Variants in ITGB3BP observed in about 807,000 individuals in gnomAD.
ITGB3BP encodes integrin subunit beta 3 binding protein.
Under a neutral mutation model 29.1 loss-of-function variants are expected in ITGB3BP, and 27 were observed. The ratio of observed to expected loss-of-function variants is 0.93; its 90% confidence interval spans 0.68 to 1.28. The LOEUF is 1.28. Among genes scored for constraint, ITGB3BP ranks in the 50% most tolerant of loss-of-function variants. The probability of loss-of-function intolerance (pLI) is 0.00; values close to 1 mark genes in which losing one functional copy is unlikely to be tolerated. For synonymous variants in ITGB3BP, 61 were observed against 61.4 expected (o/e 0.99, Z 0.03); for missense variants, 192 against 200.2 (o/e 0.96, Z 0.25).
upstream of ITGB3BP, among the ~76,000 whole-genome samples, chr1:63,527,001 G>A (rs1646603512): frequency 6.6e-6 from 1 of 152,236 alleles, no homozygotes; most frequent in Non-Finnish European, 1.5e-5. Context: ...CTGACCTCAG[G>A]TGATCTGCCT....
chr1:63,510,184 G>A, intron 1 of ITGB3BP: 4 of 490,116 alleles, frequency 8.2e-6, no homozygotes, highest in South Asian at 6.2e-5. Flanking sequence ...GAGCAAAACT[G>A]TCTCAAAAAA....
At chr1:63,489,277 C>A (rs980303188) in intron 3 of ITGB3BP, among the ~76,000 whole-genome samples, 6 of 151,646 alleles carry the variant, frequency 4.0e-5, no homozygotes, top group African/African-American at 9.7e-5. Flanking sequence ...ATATGCTTAG[C>A]ACTCATTAAA....
At chr1:63,447,544 G>T (rs909512601) in intron 7 of ITGB3BP, 9 of 476,610 alleles carry the variant, frequency 1.9e-5, no homozygotes, top group African/African-American at 1.6e-4. Context: ...GAGCCTCAAA[G>T]ATGAAGCAAT....
At chr1:63,468,733 T>C (rs1645142463) in intron 4 of ITGB3BP, among the ~76,000 whole-genome samples, 2 of 152,050 alleles carry the variant, frequency 1.3e-5, no homozygotes, top group Admixed American at 1.3e-4. Flanking sequence ...TGGTTGCGCA[T>C]GCCTGTAATC....
chr1:63,493,767 A>G (rs1645719863), intron 2 of ITGB3BP, among the ~76,000 whole-genome samples: 1 of 152,184 alleles, frequency 6.6e-6, no homozygotes, highest in South Asian at 2.1e-4. Flanking sequence ...AAGTGCCTAC[A>G]TTTTACTGAT....
chr1:63,456,311 G>C (rs1644936013), intron 4 of ITGB3BP, among the ~76,000 whole-genome samples: 1 of 152,106 alleles, frequency 6.6e-6, no homozygotes, highest in Non-Finnish European at 1.5e-5. Flanking sequence ...TAAAAATTAT[G>C]AGGACAGTGG....
chr1:63,499,899 A>G lies in ITGB3BP; in HGVS notation c.48+8629T>C, dbSNP rs975764639. ...CTAACATCATACTTAATGATGAAAG[A>G]CTGGATTCTTTCCCTCTAAGATCAG... On this transcript the variant is annotated intron_variant, in intron 2 of 8. Coordinates refer to ENST00000271002, the MANE Select transcript of ITGB3BP (RefSeq NM_014288.5). Among the ~76,000 whole-genome samples the G allele has an allele frequency of 7.9e-5, 12 of 152,342 alleles. No individual in the cohort carries two copies. The East Asian group carries it at 2.3e-3, about 29-fold the overall frequency.
rs1570287873 is a variant in ITGB3BP at position 63,502,791 on chromosome 1, G to T, written c.48+5737C>A. Among the ~76,000 whole-genome samples, 4 of 151,420 alleles carry T rather than the reference G, an allele frequency of 2.6e-5. No homozygotes were observed. In the South Asian group the frequency reaches 6.3e-4, roughly 24 times the overall value. The stretch of plus-strand genomic sequence containing the variant: ...TTGGTTTTTTGTCCTTGCGATATTT[G>T]CTGAGAATGATGGTTTCCAGCTTCA... On this transcript the variant is annotated intron_variant, in intron 2 of 8. Coordinates refer to ENST00000271002, the MANE Select transcript of ITGB3BP (RefSeq NM_014288.5).
At chr1:63,456,702 G>C (rs1225737095) in intron 4 of ITGB3BP, among the ~76,000 whole-genome samples, 1 of 152,138 alleles carries the variant, frequency 6.6e-6, no homozygotes, top group African/African-American at 2.4e-5. Context: ...CTATCTTAAT[G>C]AGCTGATGGT....
At chr1:63,525,791 T>A (rs1210237669), upstream of ITGB3BP, 3 of 1,431,944 alleles carry the variant, frequency 2.1e-6, no homozygotes, top group Non-Finnish European at 2.8e-6. Flanking sequence ...ATCTTTCACC[T>A]TTTTGTTGAA....
chr1:63,450,007 C>G (rs936445106), intron 7 of ITGB3BP, among the ~76,000 whole-genome samples: 1 of 151,838 alleles, frequency 6.6e-6, no homozygotes, highest in Non-Finnish European at 1.5e-5. Flanking sequence ...CAATATCAAA[C>G]TATTTTATAG....
intron 1 of ITGB3BP, among the ~76,000 whole-genome samples, chr1:63,518,589 CT>C (rs1259141891): frequency 1.3e-3 from 182 of 139,434 alleles, no homozygotes; most frequent in Non-Finnish European, 1.7e-3. Flanking sequence ...TCTTTTCTTT[CT>C]TTTTTTTTTT....
At position 63,447,122 on chromosome 1, in the gene ITGB3BP, C is replaced by T. The variant is rs60527918; in HGVS notation, c.485-266G>A. 100 of 418,094 alleles carry T rather than the reference C, an allele frequency of 2.4e-4. No individual in the cohort carries two copies. In the East Asian group the frequency reaches 4.4e-3, roughly 19 times the overall value. The allele number at this position is 418,094 out of a possible 1,614,324, so 25.9% of individuals were successfully genotyped here. ...TACATGCTTATTACCATTGTTAGTA[C>T]ACTCTTTATGGTTACTAAAATGACT... On this transcript the variant is annotated intron_variant, in intron 7 of 8. Coordinates refer to ENST00000271002, the MANE Select transcript of ITGB3BP (RefSeq NM_014288.5).
intron 1 of ITGB3BP, among the ~76,000 whole-genome samples, chr1:63,509,606 A>C (rs1646154403): frequency 6.6e-6 from 1 of 152,204 alleles, no homozygotes; most frequent in South Asian, 2.1e-4. Flanking sequence ...AAAATCATTG[A>C]ACAGTAAATA....
intron 2 of ITGB3BP, among the ~76,000 whole-genome samples, chr1:63,501,387 A>G (rs1645925177): frequency 7.8e-6 from 1 of 127,608 alleles, no homozygotes; most frequent in African/African-American, 3.0e-5. Flanking sequence ...ATGAGACTCC[A>G]TTTATATGAA....
chr1:63,507,185 G>A (rs1213554664), intron 2 of ITGB3BP, among the ~76,000 whole-genome samples: 1 of 152,130 alleles, frequency 6.6e-6, no homozygotes, highest in Non-Finnish European at 1.5e-5. Context: ...ACCTCCTTCG[G>A]GCAGATGTGG....
intron 8 of ITGB3BP, among the ~76,000 whole-genome samples, chr1:63,445,910 T>C (rs1251931953): frequency 6.6e-6 from 1 of 151,188 alleles, no homozygotes; most frequent in Non-Finnish European, 1.5e-5. Context: ...GTTTTTGTTG[T>C]TGTTTTTTCC....
At chr1:63,473,555 A>C (rs1334970757) in intron 4 of ITGB3BP, among the ~76,000 whole-genome samples, 2 of 97,902 alleles carry the variant, frequency 2.0e-5, no homozygotes. Flanking sequence ...CAGCTGCCCC[A>C]TCTGGGAGGG....
At chr1:63,515,886 T>A (rs566380971) in intron 1 of ITGB3BP, among the ~76,000 whole-genome samples, 25 of 139,290 alleles carry the variant, frequency 1.8e-4, no homozygotes, top group African/African-American at 6.4e-4. Context: ...CTACTGGGTA[T>A]CTATCAAAGG....
Sources: allele counts gnomAD v4.1 joint callset (sites outside exome capture counted in the v4.1 genomes callset), GRCh38; gene constraint gnomAD v4.1.1; transcripts MANE v1.5; gene names NCBI Gene and HGNC (gene_info 2026-07-23, HGNC 2026-07-21).